The following IGF2BP3 variants were observed in gnomAD, a reference collection of about 807,000 sequenced individuals.
IGF2BP3 encodes insulin-like growth factor 2 mRNA-binding protein 3.
A neutral mutation model predicts 73.8 loss-of-function variants in IGF2BP3; 9 were observed. That is an observed-to-expected ratio of 0.12 (90% CI 0.07 to 0.21). The LOEUF (loss-of-function observed/expected upper bound fraction) is 0.21, where lower values mean the gene tolerates loss of function less well. Ranked by LOEUF, IGF2BP3 falls within the 10% of genes least tolerant of loss-of-function variation. IGF2BP3 has a pLI of 1.00. For missense variants in IGF2BP3, 542 were observed against 714.0 expected (o/e 0.76, Z 2.75); for synonymous variants, 258 against 256.7 (o/e 1.01, Z -0.05).
At chr7:23,445,368 T>C (rs1788034928) in intron 2 of IGF2BP3, among the ~76,000 whole-genome samples, 2 of 152,060 alleles carry the variant, frequency 1.3e-5, no homozygotes, top group South Asian at 2.1e-4. Flanking sequence ...GGGTGTTTCG[T>C]ATACACTATA....
chr7:23,322,303 C>A (rs1262020423), intron 10 of IGF2BP3, among the ~76,000 whole-genome samples: 1 of 152,110 alleles, frequency 6.6e-6, no homozygotes, highest in Non-Finnish European at 1.5e-5. Context: ...ATGTGATCAA[C>A]TGGAAGAAAG....
chr7:23,407,578 G>T (rs377274172), intron 3 of IGF2BP3, among the ~76,000 whole-genome samples: 2 of 148,830 alleles, frequency 1.3e-5, no homozygotes, highest in African/African-American at 5.0e-5. Context: ...ATCGCACTCC[G>T]GCCTGGGCAA....
chr7:23,328,754 C>T (rs1401027935), intron 10 of IGF2BP3, among the ~76,000 whole-genome samples: 1 of 152,196 alleles, frequency 6.6e-6, no homozygotes, highest in Admixed American at 6.5e-5. Flanking sequence ...CAATCAACTA[C>T]CTACCTAACC....
At chr7:23,401,763 C>G (rs1786672731) in intron 3 of IGF2BP3, among the ~76,000 whole-genome samples, 1 of 144,750 alleles carries the variant, frequency 6.9e-6, no homozygotes, top group South Asian at 2.2e-4. Context: ...AGACTCGTCT[C>G]CAAAAAAAAA....
intron 2 of IGF2BP3, among the ~76,000 whole-genome samples, chr7:23,420,029 T>G (rs950276935): frequency 2.6e-5 from 4 of 152,178 alleles, no homozygotes; most frequent in Non-Finnish European, 5.9e-5. Flanking sequence ...ATAACACAAC[T>G]GCATGTTAAC....
chr7:23,434,810 C>T (rs543489090), intron 2 of IGF2BP3, among the ~76,000 whole-genome samples: 1 of 152,130 alleles, frequency 6.6e-6, no homozygotes, highest in African/African-American at 2.4e-5. Flanking sequence ...ATGTTTACCA[C>T]ACTTAAGGAC....
intron 3 of IGF2BP3, chr7:23,402,422 G>C (rs1369925990): frequency 6.6e-6 from 1 of 152,220 alleles, no homozygotes; most frequent in African/African-American, 2.4e-5. Context: ...GGTAAAGGCA[G>C]TTAAGTTCAT....
intron 2 of IGF2BP3, 87 bp from the exon 3 acceptor site, chr7:23,418,911 A>C: frequency 1.2e-6 from 1 of 812,810 alleles, no homozygotes; most frequent in Middle Eastern, 2.7e-4. Context: ...AAACTACTTA[A>C]AATATTAACT....
intron 11 of IGF2BP3, among the ~76,000 whole-genome samples, chr7:23,318,820 A>T (rs977055667): frequency 1.3e-5 from 2 of 152,130 alleles, no homozygotes; most frequent in Non-Finnish European, 2.9e-5. Context: ...TGATTCCTGG[A>T]GCACTGAATG....
chr7:23,348,186 T>C (rs1784878097), intron 6 of IGF2BP3, among the ~76,000 whole-genome samples: 1 of 152,222 alleles, frequency 6.6e-6, no homozygotes, highest in Admixed American at 6.5e-5. Flanking sequence ...ACCAATCTGC[T>C]TCCCCTTTGC....
At chr7:23,382,749 C>T (rs186224109) in intron 3 of IGF2BP3, among the ~76,000 whole-genome samples, 63 of 151,900 alleles carry the variant, frequency 4.1e-4, no homozygotes, top group African/African-American at 1.4e-3. Flanking sequence ...AATACTTAAG[C>T]AAGGCTGGGT....
At chr7:23,332,163 A>G (rs984449485) in intron 10 of IGF2BP3, among the ~76,000 whole-genome samples, 6 of 152,162 alleles carry the variant, frequency 3.9e-5, no homozygotes, top group Admixed American at 2.6e-4. Context: ...CAGCCAAACC[A>G]TATCAACTAG....
chr7:23,378,158 T>G (rs568279055), intron 3 of IGF2BP3, among the ~76,000 whole-genome samples: 2 of 152,314 alleles, frequency 1.3e-5, no homozygotes, highest in Admixed American at 6.5e-5. Context: ...GGATATAAAA[T>G]TATACATGCA....
In IGF2BP3 at chr7:23,330,466, G is replaced by A. The variant is rs74790388; in HGVS notation, c.1204-11212C>T. ...CTCTCCTCTCACAAGTCCCTTGATT[G>A]GCCTTGGTATGACTTCCTGTGAGTC... is the stretch of plus-strand genomic sequence containing the variant. On this transcript the variant is annotated intron_variant, in intron 10 of 14. Transcript: ENST00000258729. Among the ~76,000 whole-genome samples the A allele has an allele frequency of 8.2e-3, 1,249 of 151,698 alleles. 16 individuals are homozygous for A. Among genetic ancestry groups the A allele is most frequent in the African/African-American group, 0.029 (1,187 of 41,186 alleles).
At position 23,343,549 on chromosome 7, in the gene IGF2BP3, T is replaced by C. The variant is rs1294203679; in HGVS notation, c.1077+169A>G. On this transcript the variant is annotated intron_variant, in intron 9 of 14. Transcript: ENST00000258729. ...GTCACAGAGACAGCAAAGCTTAATG[T>C]CAAAGCCAGTATCTTCCCTACTATC... Among the ~76,000 whole-genome samples, 3 of 152,196 alleles carry C rather than the reference T, an allele frequency of 2.0e-5. No homozygotes were observed. In the East Asian group the frequency reaches 5.8e-4, roughly 29 times the overall value.
At chr7:23,376,390 C>T (rs892841402) in intron 3 of IGF2BP3, among the ~76,000 whole-genome samples, 24 of 151,276 alleles carry the variant, frequency 1.6e-4, no homozygotes, top group African/African-American at 5.6e-4. Flanking sequence ...CAAAAATTAG[C>T]CGGGCATGGT....
intron 3 of IGF2BP3, among the ~76,000 whole-genome samples, chr7:23,385,757 G>A (rs926480720): frequency 6.6e-6 from 1 of 151,686 alleles, no homozygotes; most frequent in Non-Finnish European, 1.5e-5. Flanking sequence ...TAGAAAGAGA[G>A]ACAGGGTCTC....
At chr7:23,345,064 G>T (rs1244770314) in intron 8 of IGF2BP3, among the ~76,000 whole-genome samples, 1 of 152,076 alleles carries the variant, frequency 6.6e-6, no homozygotes, top group Non-Finnish European at 1.5e-5. Context: ...CAACCAAACA[G>T]AAGTTTCCTG....
intron 3 of IGF2BP3, among the ~76,000 whole-genome samples, chr7:23,371,339 A>G (rs1785536477): frequency 6.6e-6 from 1 of 150,814 alleles, no homozygotes. Flanking sequence ...CAAACAGCTC[A>G]GCACAGTTTA....
Sources: gnomAD v4.1 joint callset for allele counts (sites outside exome capture counted in the v4.1 genomes callset) on GRCh38, gnomAD v4.1.1 for gene constraint, MANE v1.5 for transcripts, NCBI Gene and HGNC (gene_info 2026-07-23, HGNC 2026-07-21) for gene names.